The following CBFA2T2 variants were observed in gnomAD, a reference collection of about 807,000 sequenced individuals.
The protein encoded by CBFA2T2 is CBFA2/RUNX1 partner transcriptional co-repressor 2, also known as protein CBFA2T2.
Under a neutral mutation model 62.2 loss-of-function variants are expected in CBFA2T2, and 11 were observed. That is an observed-to-expected ratio of 0.18 (90% confidence interval 0.11 to 0.29). CBFA2T2 has a LOEUF of 0.29. CBFA2T2 is among the 10% of genes least tolerant of loss of function. The pLI is 1.00. For missense variants in CBFA2T2, 592 were observed against 774.1 expected, an observed-to-expected ratio of 0.76 and a Z score of 2.79; for synonymous variants, 295 against 287.5, an observed-to-expected ratio of 1.03 and a Z score of -0.27.
At chr20:33,633,078 A>G (rs1244733945) in intron 8 of CBFA2T2, among the ~76,000 whole-genome samples, 1 of 151,616 alleles carries the variant, frequency 6.6e-6, no homozygotes, top group Admixed American at 6.6e-5. Flanking sequence ...GTGTTTTTAA[A>G]GTCTTGGGTT....
intron 1 of CBFA2T2, among the ~76,000 whole-genome samples, chr20:33,543,582 GA>G (rs1435202008): frequency 6.6e-6 from 1 of 152,146 alleles, no homozygotes; most frequent in Non-Finnish European, 1.5e-5. Flanking sequence ...AGCTGAACTT[GA>G]AGGTGTTTTA....
At position 33,490,176 on chromosome 20, in the gene CBFA2T2, A is replaced by C; in HGVS notation, c.-92A>C. The C allele has an allele frequency of 8.5e-7, 1 of 1,173,774 alleles. No homozygotes were observed. Among genetic ancestry groups the C allele is most frequent in the African/African-American group, 1.6e-5 (1 of 60,792 alleles). 72.7% of individuals were successfully genotyped at this position (1,173,774 alleles called of 1,614,324 possible). On this transcript the variant is annotated 5_prime_UTR_variant, in exon 1 of 11. Coordinates refer to ENST00000342704, the MANE Select transcript of CBFA2T2 (RefSeq NM_001032999.3). ...TGCAGATCTCGCGGCGACGCCTGCG[A>C]GGGACCCGGGCCGCGGGTCGAGGCG...
intron 8 of CBFA2T2, among the ~76,000 whole-genome samples, chr20:33,631,015 G>T (rs779496731): frequency 6.6e-6 from 1 of 152,106 alleles, no homozygotes; most frequent in Non-Finnish European, 1.5e-5. Context: ...GATTCCTTTC[G>T]TAAAAACTCG....
intron 1 of CBFA2T2, among the ~76,000 whole-genome samples, chr20:33,545,470 T>TTTCTTTCTTTCTTTCTTTCGTTCG (rs1209263074): frequency 7.3e-5 from 11 of 151,324 alleles, no homozygotes; most frequent in African/African-American, 2.0e-4. Flanking sequence ...TCTTTCTTTC[T>TTTCTTTCTTTCTTTCTTTCGTTCG]TTCGTTCGTT....
At chr20:33,604,008 C>G (rs920264006) in intron 1 of CBFA2T2, among the ~76,000 whole-genome samples, 2 of 152,172 alleles carry the variant, frequency 1.3e-5, no homozygotes, top group Admixed American at 6.5e-5. Context: ...TTGGATAGAT[C>G]TCACTCCATG....
chr20:33,492,618 G>A (rs1397106442), intron 1 of CBFA2T2, among the ~76,000 whole-genome samples: 1 of 151,632 alleles, frequency 6.6e-6, no homozygotes, highest in African/African-American at 2.4e-5. Context: ...GGGTTCAAGT[G>A]ATTCTCCTGC....
chr20:33,610,687 G>C (rs2015489924), intron 2 of CBFA2T2, among the ~76,000 whole-genome samples: 1 of 152,056 alleles, frequency 6.6e-6, no homozygotes, highest in African/African-American at 2.4e-5. Flanking sequence ...CTGATTGACT[G>C]CCTAGTGTTT....
intron 1 of CBFA2T2, among the ~76,000 whole-genome samples, chr20:33,568,905 CT>C (rs1383637324): frequency 6.6e-6 from 1 of 152,182 alleles, no homozygotes; most frequent in Admixed American, 6.5e-5. Context: ...GGCGCTACAA[CT>C]GTGATGAACA....
At chr20:33,641,357 C>G (rs994183177) in intron 10 of CBFA2T2, among the ~76,000 whole-genome samples, 1 of 152,118 alleles carries the variant, frequency 6.6e-6, no homozygotes, top group Non-Finnish European at 1.5e-5. Context: ...ACCCAGGATC[C>G]AGGGCCCAGG....
At chr20:33,615,561 A>T (rs1323284002) in intron 3 of CBFA2T2, among the ~76,000 whole-genome samples, 1 of 152,176 alleles carries the variant, frequency 6.6e-6, no homozygotes, top group African/African-American at 2.4e-5. Context: ...GGCAAGGTAG[A>T]AAGACAGACT....
intron 3 of CBFA2T2, among the ~76,000 whole-genome samples, chr20:33,617,125 C>T (rs2122315688): frequency 6.6e-6 from 1 of 152,210 alleles, no homozygotes; most frequent in Middle Eastern, 3.4e-3. Flanking sequence ...AATCCCACCA[C>T]TTTGGGAGGC....
rs2016324523 is a variant in CBFA2T2 at position 33,628,315 on chromosome 20, T to C, written c.947-35T>C. 2.1e-6 allele frequency: 3 copies of C among 1,457,912 alleles called. No individual in the cohort carries two copies. In the Admixed American group the frequency reaches 5.0e-5, roughly 24 times the overall value. 90.3% of individuals were successfully genotyped at this position (1,457,912 alleles called of 1,614,324 possible). The stretch of plus-strand genomic sequence containing the variant: ...GAATTTGCTTCTATTGTGTTTTTCC[T>C]GCTATCTTTGAATTTAATCTGTAAT... On this transcript the variant is annotated intron_variant, in intron 6 of 10. Coordinates refer to ENST00000342704, the MANE Select transcript of CBFA2T2 (RefSeq NM_001032999.3).
intron 1 of CBFA2T2, among the ~76,000 whole-genome samples, chr20:33,532,492 A>G (rs776558084): frequency 2.0e-5 from 3 of 152,200 alleles, no homozygotes; most frequent in African/African-American, 4.8e-5. Context: ...AACAAGGTAC[A>G]TTTCAAGTGT....
In CBFA2T2 at chr20:33,636,808, TATA is replaced by T. The variant is rs1376416910; in HGVS notation, c.1297+105_1297+107del. On this transcript the variant is annotated intron_variant, in intron 9 of 10. Transcript: ENST00000342704. The stretch of plus-strand genomic sequence containing the variant: ...GGTTGGTAACTGGGTCCTTTGGTTG[TATA>T]ATAACTTGCTCCTCATAGAGCTCTA... The T allele has an allele frequency of 4.7e-6, 4 of 845,082 alleles. No homozygotes were observed. The African/African-American group carries it at 6.7e-5, about 14-fold the overall frequency. 52.3% of individuals were successfully genotyped at this position (845,082 alleles called of 1,614,324 possible).
chr20:33,634,669 C>CA (rs2016567455), intron 8 of CBFA2T2, among the ~76,000 whole-genome samples: 9 of 62,186 alleles, frequency 1.4e-4, no homozygotes, highest in Admixed American at 4.0e-4. Context: ...GACCCTATGT[C>CA]CAAAAAAAAA....
Position 33,631,010 on chromosome 20 carries a change from C to T in CBFA2T2, c.1228+1096C>T, listed in dbSNP as rs572974777. ...TATGTAGAGTTATATAGTATGATTC[C>T]TTTCGTAAAAACTCGAAAAACAGGC... On this transcript the variant is annotated intron_variant, in intron 8 of 10. Coordinates refer to ENST00000342704, the MANE Select transcript of CBFA2T2 (RefSeq NM_001032999.3). 2.6e-5 allele frequency among the ~76,000 whole-genome samples: 4 copies of T among 152,252 alleles called. No individual in the cohort carries two copies. The East Asian group carries it at 7.7e-4, about 29-fold the overall frequency.
intron 1 of CBFA2T2, among the ~76,000 whole-genome samples, chr20:33,506,940 T>G (rs893396791): frequency 3.9e-5 from 6 of 152,338 alleles, no homozygotes; most frequent in Admixed American, 6.5e-5. Flanking sequence ...CTGTAACTGG[T>G]AAGTAGCCAT....
At chr20:33,562,439 C>T (rs1214032261) in intron 1 of CBFA2T2, 1 of 985,742 alleles carries the variant, frequency 1.0e-6, no homozygotes, top group African/African-American at 1.7e-5. Context: ...TTTGGCAGGA[C>T]CTTCCCATCT....
chr20:33,513,816 GAAAAAAAAA>G (rs11481160), intron 1 of CBFA2T2, among the ~76,000 whole-genome samples: 3 of 111,484 alleles, frequency 2.7e-5, no homozygotes, highest in Admixed American at 2.0e-4. Flanking sequence ...TCTGTCCCAG[GAAAAAAAAA>G]AAAAAAAAAA....
Sources: gnomAD v4.1 joint callset for allele counts (sites outside exome capture counted in the v4.1 genomes callset) on GRCh38, gnomAD v4.1.1 for gene constraint, MANE v1.5 for transcripts, NCBI Gene and HGNC (gene_info 2026-07-23, HGNC 2026-07-21) for gene names.